Variants in BBS12 observed in about 807,000 individuals in gnomAD.
BBS12 encodes the protein chaperonin-containing T-complex member BBS12.
Under a neutral mutation model 5.6 loss-of-function variants are expected in BBS12, and 5 were observed. The ratio of observed to expected loss-of-function variants is 0.89; its 90% CI spans 0.46 to 1.86. BBS12 has a LOEUF of 1.86. Among genes scored for constraint, BBS12 ranks in the 40% most tolerant of loss-of-function variants. The pLI is 0.01. For missense variants in BBS12, 748 were observed against 830.4 expected, an observed-to-expected ratio of 0.90 and a Z score of 1.22; for synonymous variants, 308 against 306.8, an observed-to-expected ratio of 1.00 and a Z score of -0.04.
chr4:122,728,415 C>A (rs946781219), upstream of BBS12: 4 of 152,086 alleles, frequency 2.6e-5, no homozygotes, highest in African/African-American at 9.7e-5. Flanking sequence ...GTATAATATG[C>A]TATCATTTGT....
At position 122,742,803 on chromosome 4, in the gene BBS12, G is replaced by A. The variant is rs147734969; in HGVS notation, c.911G>A (p.Cys304Tyr). The change falls in exon 2 of 2, where the codon TGT (cysteine) becomes TAT (tyrosine). Residue 304 changes from cysteine to tyrosine, a missense_variant. Transcript: ENST00000314218. ...YQNACVQQGN[C>Y]TKPFMFDISR... is the part of the protein sequence containing the mutation. ...AATGCTTGTGTGCAACAAGGCAACT[G>A]TACAAAACCATTTATGTTTGACATT... The A allele has an allele frequency of 5.9e-5, 95 of 1,614,094 alleles. No homozygotes were observed. Among genetic ancestry groups the A allele is most frequent in the Non-Finnish European group, 7.4e-5 (87 of 1,180,036 alleles).
the BBS12 span, among the ~76,000 whole-genome samples, chr4:122,711,356 T>C: frequency 6.9e-6 from 1 of 144,290 alleles, no homozygotes; most frequent in Non-Finnish European, 1.6e-5. Flanking sequence ...AACATCCTGA[T>C]TGGAAAAAAA....
rs1361081580 is a variant in BBS12 at position 122,742,083 on chromosome 4, G to C, written c.191G>C (p.Ser64Thr). ...VRLLESLDLT[S>T]AVGQLLNEAV... Reference sequence around the variant, plus strand: ...CTTCTTGAAAGTTTGGATTTAACCAGTGCAGTGGGACAACTTCTCAATGAA... The same window carrying C: ...CTTCTTGAAAGTTTGGATTTAACCACTGCAGTGGGACAACTTCTCAATGAA... Residue 64 changes from serine (S) to threonine (T), a missense_variant, in exon 2 of 2, where the codon AGT becomes ACT. Physicochemically the swap from Ser to Thr is moderately conservative, Grantham distance 58 (BLOSUM62 1). Coordinates refer to ENST00000314218, the MANE Select transcript of BBS12 (RefSeq NM_152618.3). 6 of 1,614,162 alleles carry C rather than the reference G, an allele frequency of 3.7e-6. No individual in the cohort carries two copies. The highest frequency in any genetic ancestry group is 5.1e-6 in the Non-Finnish European group (6 of 1,180,024).
the BBS12 span, among the ~76,000 whole-genome samples, chr4:122,716,717 GTGTGTATATA>G: frequency 1.7e-5 from 2 of 118,408 alleles, no homozygotes; most frequent in African/African-American, 4.0e-5. Flanking sequence ...ATACACATAT[GTGTGTATATA>G]CACACACACG....
the BBS12 span, among the ~76,000 whole-genome samples, chr4:122,712,385 C>T: frequency 6.6e-6 from 1 of 152,150 alleles, no homozygotes; most frequent in South Asian, 2.1e-4. Context: ...GAAACTGTTC[C>T]CTCACAAAAG....
chr4:122,703,475 G>T, the BBS12 span, among the ~76,000 whole-genome samples: 1 of 152,308 alleles, frequency 6.6e-6, no homozygotes, highest in Non-Finnish European at 1.5e-5. Context: ...CCAGAAGTTT[G>T]ACGTTAGAGT....
chr4:122,705,928 T>C, the BBS12 span, among the ~76,000 whole-genome samples: 1 of 152,240 alleles, frequency 6.6e-6, no homozygotes, highest in Non-Finnish European at 1.5e-5. Context: ...AACTGACTGA[T>C]ATCAGTAGTC....
chr4:122,729,977 TA>T (rs1800677438), upstream of BBS12: 1 of 152,066 alleles, frequency 6.6e-6, no homozygotes, highest in African/African-American at 2.4e-5. Context: ...TTTTTAAAAA[TA>T]AAACTCTACA....
chr4:122,722,490 A>C, the BBS12 span, among the ~76,000 whole-genome samples: 1 of 152,220 alleles, frequency 6.6e-6, no homozygotes, highest in Non-Finnish European at 1.5e-5. Context: ...ATAAGCAGAC[A>C]ACTAATGTCT....
At chr4:122,741,651 G>A (rs1446384471) in intron 1 of BBS12, among the ~76,000 whole-genome samples, 2 of 151,938 alleles carry the variant, frequency 1.3e-5, no homozygotes, top group Non-Finnish European at 2.9e-5. Flanking sequence ...TTCTGGAAAC[G>A]TTGCCTACAG....
chr4:122,709,838 T>G, the BBS12 span, among the ~76,000 whole-genome samples: 2 of 152,040 alleles, frequency 1.3e-5, no homozygotes, highest in East Asian at 3.9e-4. Flanking sequence ...GTATTTTTAG[T>G]AGAGACGGGA....
chr4:122,722,465 A>G, the BBS12 span, among the ~76,000 whole-genome samples: 2 of 152,242 alleles, frequency 1.3e-5, no homozygotes, highest in African/African-American at 4.8e-5. Context: ...TTGATTGCAC[A>G]ATATCTGTAG....
chr4:122,719,538 A>G, the BBS12 span, among the ~76,000 whole-genome samples: 1 of 152,148 alleles, frequency 6.6e-6, no homozygotes, highest in Non-Finnish European at 1.5e-5. Flanking sequence ...CAGCGAGACC[A>G]TGAACCCACC....
chr4:122,728,892 G>A (rs946812218), upstream of BBS12: 25 of 152,256 alleles, frequency 1.6e-4, no homozygotes, highest in Non-Finnish European at 1.2e-4. Flanking sequence ...TGTGGAGCAA[G>A]TGGCATCTGT....
chr4:122,701,335 A>G, the BBS12 span, among the ~76,000 whole-genome samples: 1 of 152,236 alleles, frequency 6.6e-6, no homozygotes, highest in East Asian at 1.9e-4. Context: ...GTGATGAATC[A>G]TAGAAGAATT....
At chr4:122,729,555 G>A (rs904974686), upstream of BBS12, 1 of 152,230 alleles carries the variant, frequency 6.6e-6, no homozygotes, top group African/African-American at 2.4e-5. Context: ...ATGGGCAACT[G>A]GGGAATTTTT....
At chr4:122,705,260 T>C in the BBS12 span, among the ~76,000 whole-genome samples, 1 of 152,190 alleles carries the variant, frequency 6.6e-6, no homozygotes, top group African/African-American at 2.4e-5. Flanking sequence ...GTGAGTCATA[T>C]AAATAGTTTT....
At chr4:122,717,253 C>T in the BBS12 span, among the ~76,000 whole-genome samples, 2 of 152,128 alleles carry the variant, frequency 1.3e-5, no homozygotes, top group African/African-American at 2.4e-5. Context: ...GAAATATCCA[C>T]ATATAAGATA....
the BBS12 span, among the ~76,000 whole-genome samples, chr4:122,720,560 G>A: frequency 1.3e-5 from 2 of 152,178 alleles, no homozygotes; most frequent in African/African-American, 2.4e-5. Context: ...AAACTGGAAA[G>A]CAAGCCAGTA....
Sources: allele counts gnomAD v4.1 joint callset (sites outside exome capture counted in the v4.1 genomes callset), GRCh38; gene constraint gnomAD v4.1.1; transcripts MANE v1.5; gene names NCBI Gene and HGNC (gene_info 2026-07-23, HGNC 2026-07-21).